The following PTPRD variants were observed in gnomAD, a reference collection of about 807,000 sequenced individuals.
The protein encoded by PTPRD is receptor-type tyrosine-protein phosphatase delta.
Under a neutral mutation model 214.5 loss-of-function variants are expected in PTPRD, and 34 were observed. The ratio of observed to expected loss-of-function variants is 0.16; its 90% CI spans 0.12 to 0.21. PTPRD has a LOEUF of 0.21. Ranked by LOEUF, PTPRD falls within the 10% of genes least tolerant of loss-of-function variation. The pLI, the probability that PTPRD is intolerant of heterozygous loss-of-function variation, is 1.00. For missense variants in PTPRD, 2,545 were observed against 2,398.7 expected (o/e 1.06, Z -1.27); for synonymous variants, 1,128 against 845.7 (o/e 1.33, Z -5.79).
chr9:10,247,171 A>G (rs1428404747), intron 3 of PTPRD, among the ~76,000 whole-genome samples: 1 of 152,148 alleles, frequency 6.6e-6, no homozygotes, highest in African/African-American at 2.4e-5. Context: ...CATAATTGTT[A>G]ATAGTTCATA....
At chr9:8,623,522 G>C (rs764167031) in intron 14 of PTPRD, among the ~76,000 whole-genome samples, 1 of 151,866 alleles carries the variant, frequency 6.6e-6, no homozygotes, top group South Asian at 2.1e-4. Context: ...TTCACAAATG[G>C]GGCAGTTCCC....
intron 14 of PTPRD, among the ~76,000 whole-genome samples, chr9:8,587,786 G>C (rs952363934): frequency 6.6e-6 from 1 of 152,196 alleles, no homozygotes; most frequent in Non-Finnish European, 1.5e-5. Flanking sequence ...AAAACACTTA[G>C]TAGGAAAGGA....
chr9:9,925,880 G>T (rs952167473), intron 5 of PTPRD, among the ~76,000 whole-genome samples: 1 of 152,114 alleles, frequency 6.6e-6, no homozygotes, highest in Admixed American at 6.6e-5. Context: ...CCAGGCTAGA[G>T]TACAGTGTCA....
At chr9:8,757,747 C>A (rs1004928171) in intron 11 of PTPRD, among the ~76,000 whole-genome samples, 2 of 151,008 alleles carry the variant, frequency 1.3e-5, no homozygotes, top group Non-Finnish European at 2.9e-5. Flanking sequence ...AATGAGCTGT[C>A]ATGTGGATAT....
Position 9,797,127 on chromosome 9 carries a change from G to A in PTPRD, c.-367-30276C>T, listed in dbSNP as rs1251724925. On this transcript the variant is annotated intron_variant, in intron 5 of 45. Coordinates refer to ENST00000381196, the MANE Select transcript of PTPRD (RefSeq NM_002839.4). ...GGAATAAAAAACACATTTTAGAAGA[G>A]AGTGTTACAAAGTATTTGGTACAGA... Among the ~76,000 whole-genome samples the A allele has an allele frequency of 2.6e-5, 4 of 151,706 alleles. No individual in the cohort carries two copies. In the East Asian group the frequency reaches 7.8e-4, roughly 29 times the overall value.
At chr9:9,084,740 C>T (rs966757670) in intron 10 of PTPRD, among the ~76,000 whole-genome samples, 17 of 151,996 alleles carry the variant, frequency 1.1e-4, no homozygotes, top group Non-Finnish European at 2.5e-4. Flanking sequence ...GGGCAAGGTG[C>T]TTAGAGAAGG....
At chr9:9,220,357 C>A (rs558271356) in intron 9 of PTPRD, among the ~76,000 whole-genome samples, 9 of 145,448 alleles carry the variant, frequency 6.2e-5, no homozygotes, top group African/African-American at 1.8e-4. Flanking sequence ...TGCAAAATGA[C>A]AAGTTTTTTT....
At chr9:10,511,878 G>GTGTGTGTATA (rs1555453789) in intron 2 of PTPRD, among the ~76,000 whole-genome samples, 1 of 133,810 alleles carries the variant, frequency 7.5e-6, no homozygotes, top group African/African-American at 2.8e-5. Flanking sequence ...GTGTGTGTGT[G>GTGTGTGTATA]TATATACACA....
chr9:9,435,551 G>A (rs550105380), intron 8 of PTPRD, among the ~76,000 whole-genome samples: 27 of 151,984 alleles, frequency 1.8e-4, no homozygotes, highest in Non-Finnish European at 3.5e-4. Flanking sequence ...TAAGTGCTAA[G>A]GATTTGTTTT....
At chr9:8,848,362 G>C (rs1040775403) in intron 11 of PTPRD, among the ~76,000 whole-genome samples, 16 of 137,646 alleles carry the variant, frequency 1.2e-4, no homozygotes, top group Non-Finnish European at 2.3e-4. Flanking sequence ...TTGAGACAGA[G>C]TCTTGCTCTG....
At chr9:10,225,882 T>C (rs558603231) in intron 3 of PTPRD, among the ~76,000 whole-genome samples, 11 of 152,152 alleles carry the variant, frequency 7.2e-5, no homozygotes, top group Admixed American at 5.2e-4. Flanking sequence ...ATTTAGCCAA[T>C]GAGAGCAAAC....
At chr9:10,192,985 A>C (rs1252386377) in intron 3 of PTPRD, among the ~76,000 whole-genome samples, 7 of 152,170 alleles carry the variant, frequency 4.6e-5, no homozygotes, top group Admixed American at 3.3e-4. Flanking sequence ...TCTAGTATTT[A>C]AGTATTTTCC....
At position 8,511,731 on chromosome 9, in the gene PTPRD, T is replaced by G. The variant is rs534717434; in HGVS notation, c.1544-4297A>C. 3.3e-5 allele frequency among the ~76,000 whole-genome samples: 5 copies of G among 152,290 alleles called. No individual in the cohort carries two copies. In the South Asian group the frequency reaches 1.0e-3, roughly 32 times the overall value. ...AAAAATTTTTCTTTAATATTATATT[T>G]AAGAAGTCATTATATACTGTAAAAG... On this transcript the variant is annotated intron_variant, in intron 21 of 45. Coordinates refer to ENST00000381196, the MANE Select transcript of PTPRD (RefSeq NM_002839.4).
Position 8,651,583 on chromosome 9 carries a change from T to A in PTPRD, c.65-14739A>T, listed in dbSNP as rs1311853556. 3.9e-5 allele frequency among the ~76,000 whole-genome samples: 6 copies of A among 152,322 alleles called. No individual in the cohort carries two copies. The East Asian group carries it at 7.7e-4, about 20-fold the overall frequency. On this transcript the variant is annotated intron_variant, in intron 12 of 45. Coordinates refer to ENST00000381196, the MANE Select transcript of PTPRD (RefSeq NM_002839.4). ...TTGCTTTTTTTCCTTCCCAGCTACA[T>A]CTCTGTAAAATAACTCTATCAACAT...
intron 9 of PTPRD, among the ~76,000 whole-genome samples, chr9:9,376,037 T>C (rs1216974933): frequency 6.6e-6 from 1 of 152,116 alleles, no homozygotes; most frequent in Non-Finnish European, 1.5e-5. Flanking sequence ...TAAGACATTT[T>C]CATAATATAA....
chr9:9,707,728 A>C (rs1003176459), intron 7 of PTPRD, among the ~76,000 whole-genome samples: 12 of 152,118 alleles, frequency 7.9e-5, no homozygotes, highest in Admixed American at 5.9e-4. Context: ...TCTTATAGTC[A>C]CATCATGTAC....
intron 11 of PTPRD, among the ~76,000 whole-genome samples, chr9:8,842,911 T>C (rs894888978): frequency 6.6e-6 from 1 of 152,192 alleles, no homozygotes; most frequent in Non-Finnish European, 1.5e-5. Context: ...ACACACTTGC[T>C]CTGCGCTGCA....
intron 12 of PTPRD, among the ~76,000 whole-genome samples, chr9:8,726,038 C>G (rs551642303): frequency 8.1e-5 from 12 of 147,528 alleles, no homozygotes; most frequent in African/African-American, 2.6e-4. Flanking sequence ...CACACACACA[C>G]ACACACACAC....
intron 11 of PTPRD, among the ~76,000 whole-genome samples, chr9:9,008,872 A>T (rs553298575): frequency 6.6e-6 from 1 of 152,272 alleles, no homozygotes; most frequent in South Asian, 2.1e-4. Context: ...TTAAGGAAGC[A>T]TGTCAGGTAA....
Sources: gnomAD v4.1 joint callset for allele counts (sites outside exome capture counted in the v4.1 genomes callset) on GRCh38, gnomAD v4.1.1 for gene constraint, MANE v1.5 for transcripts, NCBI Gene and HGNC (gene_info 2026-07-23, HGNC 2026-07-21) for gene names.